The following SIK2 variants were observed in gnomAD, a reference collection of about 807,000 sequenced individuals.
SIK2 encodes salt inducible kinase 2, also known as serine/threonine-protein kinase SIK2.
SIK2 carries 29 observed loss-of-function variants against 103.2 expected under a neutral mutation model. The observed-to-expected ratio is 0.28, with a 90% CI of 0.21 to 0.38. The LOEUF is 0.38. Ranked by LOEUF, SIK2 falls within the 10% of genes least tolerant of loss-of-function variation. SIK2 has a pLI of 1.00. For missense variants in SIK2, 879 were observed against 1,171.0 expected (o/e 0.75, Z 3.64); for synonymous variants, 412 against 446.1 (o/e 0.92, Z 0.96).
intron 1 of SIK2, among the ~76,000 whole-genome samples, chr11:111,608,574 ATC>A (rs1292215141): frequency 6.6e-6 from 1 of 152,182 alleles, no homozygotes; most frequent in African/African-American, 2.4e-5. Context: ...TATGCATATA[ATC>A]TGTGTTTTTT....
In SIK2 at chr11:111,689,332, A is replaced by C. The variant is rs144796986; in HGVS notation, c.478+1170A>C. Reference sequence around the variant, plus strand: ...AAAGTGGAATTGGGATAACATGATTAGATTTGCATGTCAGAAATATGTCTC... The same window carrying C: ...AAAGTGGAATTGGGATAACATGATTCGATTTGCATGTCAGAAATATGTCTC... On this transcript the variant is annotated intron_variant, in intron 4 of 14. Transcript: ENST00000304987. Among the ~76,000 whole-genome samples the C allele has an allele frequency of 2.2e-4, 34 of 152,318 alleles. No homozygotes were observed. The East Asian group carries it at 5.4e-3, about 24-fold the overall frequency.
At chr11:111,654,961 A>T in intron 3 of SIK2, among the ~76,000 whole-genome samples, 1 of 152,242 alleles carries the variant, frequency 6.6e-6, no homozygotes, top group Non-Finnish European at 1.5e-5. Context: ...ATGAGTATGA[A>T]ATCTGATTTC....
chr11:111,604,809 A>G (rs1400546715), intron 1 of SIK2, among the ~76,000 whole-genome samples: 5 of 152,196 alleles, frequency 3.3e-5, no homozygotes, highest in Non-Finnish European at 7.3e-5. Flanking sequence ...ATAAAAAGAA[A>G]TAGTGTGAAT....
chr11:111,655,735 G>A (rs1486475895), intron 3 of SIK2, among the ~76,000 whole-genome samples: 3 of 152,098 alleles, frequency 2.0e-5, no homozygotes, highest in Non-Finnish European at 1.5e-5. Flanking sequence ...GTGCTTTCTT[G>A]CTATTTTACA....
intron 3 of SIK2, chr11:111,671,624 C>A: frequency 2.9e-6 from 1 of 348,030 alleles, no homozygotes; most frequent in South Asian, 2.8e-5. Context: ...CTGTCCATGT[C>A]CAGGGAGCAG....
Position 111,722,557 on chromosome 11 carries a change from A to C in SIK2, c.2056-108A>C. 9.5e-7 allele frequency: 1 copy of C among 1,053,052 alleles called. No individual in the cohort carries two copies. The allele number at this position is 1,053,052 out of a possible 1,614,324, so 65.2% of individuals were successfully genotyped here. A position where few individuals can be genotyped will look rare whatever the true frequency, so the allele number is the denominator to read the frequency against. On this transcript the variant is annotated intron_variant, in intron 13 of 14. Coordinates refer to ENST00000304987, the MANE Select transcript of SIK2 (RefSeq NM_015191.3). This position sits in a 1 kb window ranked among gnomAD's most constrained non-coding sequence, Gnocchi z 4.4. ...ATGTCAGTCCCTTCACCCCGTGTGGATTCTGTAGAATGCAGTTAGATTCAT... is the reference window on the plus strand; with the variant it reads ...ATGTCAGTCCCTTCACCCCGTGTGGCTTCTGTAGAATGCAGTTAGATTCAT...
intron 3 of SIK2, among the ~76,000 whole-genome samples, chr11:111,662,379 A>G (rs1196309100): frequency 6.6e-6 from 1 of 152,214 alleles, no homozygotes; most frequent in Non-Finnish European, 1.5e-5. Context: ...TCACATCCTA[A>G]GCGAGGGAAA....
intron 3 of SIK2, among the ~76,000 whole-genome samples, chr11:111,628,526 C>G (rs1398874694): frequency 6.6e-6 from 1 of 151,346 alleles, no homozygotes; most frequent in Admixed American, 6.6e-5. Flanking sequence ...GCAGCCTCGA[C>G]CTCCTGGGCT....
chr11:111,712,485 C>G, intron 9 of SIK2, 110 bp downstream of exon 9: 1 of 1,156,362 alleles, frequency 8.6e-7, no homozygotes, highest in Non-Finnish European at 1.2e-6. Flanking sequence ...CGTTAAGTCA[C>G]TCAGGAGTGA....
At position 111,684,081 on chromosome 11, in the gene SIK2, TCA is replaced by T. The variant is rs59784631; in HGVS notation, c.317-3916_317-3915del. On this transcript the variant is annotated intron_variant, in intron 3 of 14. Transcript: ENST00000304987. ...GTCTCTGGAATTTAGACCATTTTTCTCACACTGTGTGTGAGATTACATTTACT... is the reference window on the plus strand; with the variant it reads ...GTCTCTGGAATTTAGACCATTTTTCTCACTGTGTGTGAGATTACATTTACT... 9.9e-3 allele frequency among the ~76,000 whole-genome samples: 1,506 copies of T among 152,330 alleles called. 16 individuals carry two copies. Among genetic ancestry groups the T allele is most frequent in the South Asian group, 0.026 (127 of 4,828 alleles).
intron 8 of SIK2, among the ~76,000 whole-genome samples, chr11:111,710,314 CTGAA>C (rs1482005331): frequency 6.6e-6 from 1 of 152,200 alleles, no homozygotes. Flanking sequence ...TTATCACACT[CTGAA>C]TGGTATGCAG....
chr11:111,636,715 A>G (rs540060408), intron 3 of SIK2, among the ~76,000 whole-genome samples: 1 of 152,334 alleles, frequency 6.6e-6, no homozygotes, highest in Admixed American at 6.5e-5. Context: ...ACACGTCTTA[A>G]GATGCTGTTT....
At chr11:111,647,746 T>TA (rs769653536) in intron 3 of SIK2, among the ~76,000 whole-genome samples, 1 of 151,824 alleles carries the variant, frequency 6.6e-6, no homozygotes, top group Non-Finnish European at 1.5e-5. Context: ...CAGGCACCTG[T>TA]AGTCCCAGCT....
intron 4 of SIK2, 128 bp from the exon 5 acceptor site, chr11:111,700,758 T>G (rs954537561): frequency 1.8e-6 from 2 of 1,107,880 alleles, no homozygotes; most frequent in African/African-American, 3.2e-5. Context: ...CAAGATAAGA[T>G]GCCATCCCAG....
chr11:111,700,878 C>G lies in SIK2; in HGVS notation c.479-8C>G. 1 of 1,613,642 alleles carries G rather than the reference C, an allele frequency of 6.2e-7. No individual in the cohort carries two copies. Among genetic ancestry groups the G allele is most frequent in the Non-Finnish European group, 8.5e-7 (1 of 1,179,704 alleles). On this transcript the variant is annotated splice_polypyrimidine_tract_variant and splice_region_variant and intron_variant, in intron 4 of 14. Coordinates refer to ENST00000304987, the MANE Select transcript of SIK2 (RefSeq NM_015191.3). The stretch of plus-strand genomic sequence containing the variant: ...AGATGAAAATAACATTTATTTCCAT[C>G]CTAATAGATTTCGGTTTTGGAAATT...
At chr11:111,614,563 A>G (rs943669711) in intron 1 of SIK2, among the ~76,000 whole-genome samples, 1 of 152,212 alleles carries the variant, frequency 6.6e-6, no homozygotes, top group Non-Finnish European at 1.5e-5. Context: ...TTTATTACTC[A>G]TTAAGTGAAG....
At position 111,719,822 on chromosome 11, in the gene SIK2, G is replaced by A. The variant is rs1397288834; in HGVS notation, c.1314G>A (p.Lys438=). 2 of 1,614,160 alleles carry A rather than the reference G, an allele frequency of 1.2e-6. No individual in the cohort carries two copies. ...LDPVPPVLVR[K]GCQSLPSNMM... is the part of the protein sequence containing the mutation. ...CTGTGCCTCCTGTCCTGGTGCGGAAGGGATGCCAGTCACTGCCCAGCAACA... is the reference window on the plus strand; with the variant it reads ...CTGTGCCTCCTGTCCTGGTGCGGAAAGGATGCCAGTCACTGCCCAGCAACA... Residue 438 remains lysine, a synonymous_variant, in exon 10 of 15, where the codon AAG becomes AAA. Transcript: ENST00000304987.
chr11:111,638,075 A>G (rs948814377), intron 3 of SIK2, among the ~76,000 whole-genome samples: 7 of 152,054 alleles, frequency 4.6e-5, no homozygotes, highest in Non-Finnish European at 1.0e-4. Context: ...TATATTGGGG[A>G]TTTCCAATGT....
intron 3 of SIK2, among the ~76,000 whole-genome samples, chr11:111,660,031 G>T (rs79958943): frequency 6.6e-6 from 1 of 152,136 alleles, no homozygotes; most frequent in South Asian, 2.1e-4. Flanking sequence ...TTTCTTAGGC[G>T]TGAGAAAACA....
Sources: gnomAD v4.1 joint callset for allele counts (sites outside exome capture counted in the v4.1 genomes callset) on GRCh38, gnomAD v4.1.1 for gene constraint, Gnocchi (gnomAD v3.1) non-coding constraint, MANE v1.5 for transcripts, NCBI Gene and HGNC (gene_info 2026-07-23, HGNC 2026-07-21) for gene names.